The following KATNAL2 variants were observed in gnomAD, a reference collection of about 807,000 sequenced individuals.
The protein encoded by KATNAL2 is katanin p60 ATPase-containing subunit A-like 2.
In KATNAL2, 52 loss-of-function variants were observed where a neutral mutation model predicts 76.3. The observed-to-expected ratio is 0.68, with a 90% CI of 0.55 to 0.86. The LOEUF is 0.86. KATNAL2 is among the 40% of genes least tolerant of loss of function. The probability of loss-of-function intolerance (pLI) is 0.00; values close to 1 mark genes in which losing one functional copy is unlikely to be tolerated. For synonymous variants in KATNAL2, 243 were observed against 244.2 expected (o/e 1.00, Z 0.05); for missense variants, 660 against 668.9 (o/e 0.99, Z 0.15).
At chr18:46,928,099 T>G (rs1221139890) in intron 1 of KATNAL2, among the ~76,000 whole-genome samples, 1 of 152,258 alleles carries the variant, frequency 6.6e-6, no homozygotes, top group Non-Finnish European at 1.5e-5. Context: ...AAAGTCATTC[T>G]CCATCCAGCT....
At chr18:46,928,479 T>G (rs1288590254) in intron 1 of KATNAL2, among the ~76,000 whole-genome samples, 4 of 152,084 alleles carry the variant, frequency 2.6e-5, no homozygotes, top group Non-Finnish European at 1.5e-5. Context: ...CCGTGTGAGG[T>G]GTCAGTCTGC....
At position 47,100,954 on chromosome 18, in the gene KATNAL2, G is replaced by T; in HGVS notation, c.1566G>T (p.Lys522Asn). The change falls in exon 18 of 18, where the codon AAG (lysine) becomes AAT (asparagine). Residue 522 changes from lysine (K) to asparagine (N), a missense_variant. Lys to Asn is a moderately conservative substitution (Grantham distance 94). Transcript: ENST00000683218. ...DVLTHTKPSA[K>N]NLAQRYSDWQ... ...TAACTCACACCAAGCCCTCCGCAAA[G>T]AATCTGGCTCAGAGATACTCAGACT... 1 of 1,614,124 alleles carries T rather than the reference G, an allele frequency of 6.2e-7. No individual in the cohort carries two copies. Among genetic ancestry groups the T allele is most frequent in the Non-Finnish European group, 8.5e-7 (1 of 1,180,026 alleles).
chr18:47,040,978 G>A (rs1384529114), intron 3 of KATNAL2, among the ~76,000 whole-genome samples: 31 of 152,232 alleles, frequency 2.0e-4, no homozygotes, highest in Non-Finnish European at 1.5e-5. Flanking sequence ...ATCTGCCAAG[G>A]AACTAATTTG....
In KATNAL2 at chr18:47,101,000, G is replaced by A; in HGVS notation, c.1612G>A (p.Val538Ile). 1.9e-6 allele frequency: 3 copies of A among 1,613,972 alleles called. No individual in the cohort carries two copies. Among genetic ancestry groups the A allele is most frequent in the Non-Finnish European group, 2.5e-6 (3 of 1,179,974 alleles). Reference protein sequence around the residue: ...YSDWQREFESV With the variant: ...YSDWQREFESI The stretch of plus-strand genomic sequence containing the variant: ...AGACTGGCAAAGAGAGTTCGAGTCT[G>A]TCTGAAACCACATTTACCCTGACCT... Residue 538 changes from valine (V) to isoleucine (I), a missense_variant, in exon 18 of 18, where the codon GTC becomes ATC. Physicochemically the swap from Val to Ile is conservative, Grantham distance 29 (BLOSUM62 3). Coordinates refer to ENST00000683218, the MANE Select transcript of KATNAL2 (RefSeq NM_001387690.1).
At chr18:46,937,210 C>G (rs2059119774) in intron 1 of KATNAL2, among the ~76,000 whole-genome samples, 1 of 152,084 alleles carries the variant, frequency 6.6e-6, no homozygotes, top group African/African-American at 2.4e-5. Context: ...AATCGCATAA[C>G]CCCAGTTTTT....
At chr18:46,958,507 T>A (rs557325262) in intron 3 of KATNAL2, among the ~76,000 whole-genome samples, 4 of 152,318 alleles carry the variant, frequency 2.6e-5, no homozygotes, top group Admixed American at 2.6e-4. Context: ...TTGTATAATT[T>A]GTTCTGCCTG....
Position 47,062,962 on chromosome 18 carries a change from T to G in KATNAL2, c.550-10T>G, listed in dbSNP as rs762022156. 5.0e-6 allele frequency: 8 copies of G among 1,608,728 alleles called. No homozygotes were observed. In the South Asian group the frequency reaches 7.7e-5, roughly 15 times the overall value. ...TTCTCATGGCATAAATAACCATTCC[T>G]CCCTTTCAGGGCCAAATCATTGACT... On this transcript the variant is annotated splice_polypyrimidine_tract_variant and intron_variant, in intron 8 of 17. Coordinates refer to ENST00000683218, the MANE Select transcript of KATNAL2 (RefSeq NM_001387690.1).
chr18:46,942,884 ATGT>A (rs2059286936), intron 1 of KATNAL2, among the ~76,000 whole-genome samples: 1 of 151,658 alleles, frequency 6.6e-6, no homozygotes, highest in African/African-American at 2.4e-5. Context: ...TGTGAATAAG[ATGT>A]TGTTGAGTAC....
chr18:47,081,627 T>C (rs748026628), intron 15 of KATNAL2, among the ~76,000 whole-genome samples: 7 of 152,174 alleles, frequency 4.6e-5, no homozygotes, highest in African/African-American at 7.2e-5. Flanking sequence ...GTGGCAGAAA[T>C]GGACAGTTGC....
At chr18:47,099,483 A>G in intron 16 of KATNAL2, 78 bp downstream of exon 16, 1 of 1,345,828 alleles carries the variant, frequency 7.4e-7, no homozygotes, top group Admixed American at 2.7e-5. Context: ...TCTTACCATG[A>G]GCTGATAGAA....
rs144819676 is a variant in KATNAL2 at position 47,054,391 on chromosome 18, C to A, written c.290-5C>A. On this transcript the variant is annotated splice_region_variant and splice_polypyrimidine_tract_variant and intron_variant, in intron 5 of 17. Coordinates refer to ENST00000683218, the MANE Select transcript of KATNAL2 (RefSeq NM_001387690.1). ...CTTTCCCTCCCAATGTCTGTTTTGT[C>A]ACAGCAGAAAATAATTTACCGCAAA... The A allele has an allele frequency of 1.1e-3, 1,796 of 1,611,830 alleles. 23 individuals carry two copies. The Admixed American group carries it at 0.024, about 22-fold the overall frequency.
At chr18:47,082,782 C>T (rs1163956214) in intron 15 of KATNAL2, among the ~76,000 whole-genome samples, 1 of 152,122 alleles carries the variant, frequency 6.6e-6, no homozygotes, top group Non-Finnish European at 1.5e-5. Context: ...GCTAGTGTAT[C>T]TTTGGGGTAG....
intron 3 of KATNAL2, among the ~76,000 whole-genome samples, chr18:46,949,425 G>C (rs747085532): frequency 2.6e-5 from 4 of 152,030 alleles, no homozygotes; most frequent in Non-Finnish European, 5.9e-5. Context: ...GTTAAATTTT[G>C]TATTTTTTGT....
At chr18:46,920,128 A>C in intron 1 of KATNAL2, 1 of 1,284,552 alleles carries the variant, frequency 7.8e-7, no homozygotes, top group Non-Finnish European at 1.0e-6. Context: ...CAGCTCCTGG[A>C]TGGGTTGGGT....
Position 46,946,275 on chromosome 18 carries a change from G to A in KATNAL2, c.-291G>A. 3.7e-6 allele frequency: 4 copies of A among 1,087,122 alleles called. No individual in the cohort carries two copies. The highest frequency in any genetic ancestry group is 4.5e-6 in the Non-Finnish European group (4 of 886,894). 67.3% of individuals were successfully genotyped at this position (1,087,122 alleles called of 1,614,324 possible). On this transcript the variant is annotated 5_prime_UTR_variant, in exon 2 of 18. Transcript: ENST00000683218. The stretch of plus-strand genomic sequence containing the variant: ...TGTTTTTCCACGTCTAATGAGAACA[G>A]GTCTGATGTGAAAGGAATTGGAGGA...
chr18:47,065,395 A>C (rs1338013276), intron 10 of KATNAL2, among the ~76,000 whole-genome samples: 2 of 147,600 alleles, frequency 1.4e-5, no homozygotes, highest in African/African-American at 5.0e-5. Flanking sequence ...TGGGTTTCCC[A>C]AGATCGACTG....
At chr18:46,927,520 T>G (rs1568977485) in intron 1 of KATNAL2, among the ~76,000 whole-genome samples, 3 of 152,152 alleles carry the variant, frequency 2.0e-5, no homozygotes, top group Admixed American at 1.3e-4. Flanking sequence ...CCTTAACATT[T>G]TTTCCTTCAT....
At chr18:47,069,746 A>C (rs961203823) in intron 13 of KATNAL2, 146 bp downstream of exon 13, 2 of 574,308 alleles carry the variant, frequency 3.5e-6, no homozygotes, top group African/African-American at 3.7e-5. Context: ...AGCTTGGGAA[A>C]TGGATTGTCT....
At chr18:46,945,461 C>T (rs2059360286) in intron 1 of KATNAL2, among the ~76,000 whole-genome samples, 1 of 152,186 alleles carries the variant, frequency 6.6e-6, no homozygotes, top group Non-Finnish European at 1.5e-5. Flanking sequence ...ATAAACTACT[C>T]ATTAGTCATT....
Sources: allele counts gnomAD v4.1 joint callset (sites outside exome capture counted in the v4.1 genomes callset), GRCh38; gene constraint gnomAD v4.1.1; transcripts MANE v1.5; gene names NCBI Gene and HGNC (gene_info 2026-07-23, HGNC 2026-07-21).